Variants in AGBL4 observed in about 807,000 individuals in gnomAD.
AGBL4 encodes cytosolic carboxypeptidase 6.
Under a neutral mutation model 66.4 loss-of-function variants are expected in AGBL4, and 58 were observed. That is an observed-to-expected ratio of 0.87 (90% CI 0.71 to 1.09). The LOEUF (loss-of-function observed/expected upper bound fraction) is 1.09, where lower values mean the gene tolerates loss of function less well. AGBL4 is among the 50% of genes least tolerant of loss of function. The pLI is 0.00. For synonymous variants in AGBL4, 234 were observed against 222.9 expected, an observed-to-expected ratio of 1.05 and a Z score of -0.44; for missense variants, 579 against 631.0, an observed-to-expected ratio of 0.92 and a Z score of 0.88.
At chr1:48,950,954 C>T (rs1055815266) in intron 5 of AGBL4, among the ~76,000 whole-genome samples, 1 of 152,092 alleles carries the variant, frequency 6.6e-6, no homozygotes, top group Admixed American at 6.6e-5. Flanking sequence ...TGTCCAACAG[C>T]CTTTTCTCAG....
Position 48,944,069 on chromosome 1 carries a change from C to T in AGBL4, c.595-76839G>A, listed in dbSNP as rs548429696. Among the ~76,000 whole-genome samples the T allele has an allele frequency of 4.5e-4, 68 of 152,156 alleles. 1 individual carries two copies. The highest frequency in any genetic ancestry group is 1.3e-3 in the African/African-American group (52 of 41,502). ...TGCCAGGCCCTGTGATAGTCACTGA[C>T]GAGACAAAAGTGAATAAGGCACTGG... On this transcript the variant is annotated intron_variant, in intron 5 of 13. Coordinates refer to ENST00000371839, the MANE Select transcript of AGBL4 (RefSeq NM_032785.4).
chr1:49,738,681 C>T (rs938547625), intron 2 of AGBL4, among the ~76,000 whole-genome samples: 9 of 152,178 alleles, frequency 5.9e-5, no homozygotes, highest in Non-Finnish European at 8.8e-5. Flanking sequence ...ACACCTCACA[C>T]GGCCGGGTAC....
At chr1:49,842,243 C>A in intron 2 of AGBL4, 1 of 445,278 alleles carries the variant, frequency 2.2e-6, no homozygotes, top group Non-Finnish European at 4.4e-6. Flanking sequence ...CCAGAGGGCC[C>A]TGTACTATGA....
At chr1:49,285,097 C>G (rs981458165) in intron 3 of AGBL4, among the ~76,000 whole-genome samples, 2 of 152,178 alleles carry the variant, frequency 1.3e-5, no homozygotes, top group African/African-American at 4.8e-5. Flanking sequence ...ACACCTATTC[C>G]AAAATTGACC....
chr1:49,511,008 C>T (rs1389260767), intron 3 of AGBL4, among the ~76,000 whole-genome samples: 1 of 151,814 alleles, frequency 6.6e-6, no homozygotes, highest in Non-Finnish European at 1.5e-5. Context: ...AGTTTGAAGT[C>T]AGGTAGTGTG....
chr1:48,879,688 T>C (rs1308306606), intron 5 of AGBL4, among the ~76,000 whole-genome samples: 1 of 152,178 alleles, frequency 6.6e-6, no homozygotes, highest in Non-Finnish European at 1.5e-5. Flanking sequence ...TAACTTATCT[T>C]ATCCTCACAA....
intron 3 of AGBL4, among the ~76,000 whole-genome samples, chr1:49,520,809 C>CTTT (rs780615627): frequency 7.2e-6 from 1 of 139,164 alleles, no homozygotes; most frequent in African/African-American, 2.6e-5. Flanking sequence ...AGATCACTCA[C>CTTT]TTTTTTTTTT....
intron 11 of AGBL4, among the ~76,000 whole-genome samples, chr1:48,583,323 A>G (rs1644768282): frequency 6.6e-6 from 1 of 152,178 alleles, no homozygotes; most frequent in African/African-American, 2.4e-5. Flanking sequence ...CACAGTGCAC[A>G]CTCACAAAAG....
rs968091526 is a variant in AGBL4 at position 48,975,024 on chromosome 1, TAAG to T, written c.594+70557_594+70559del. 1.2e-4 allele frequency among the ~76,000 whole-genome samples: 19 copies of T among 152,158 alleles called. No homozygotes were observed. In the South Asian group the frequency reaches 1.7e-3, roughly 13 times the overall value. On this transcript the variant is annotated intron_variant, in intron 5 of 13. Coordinates refer to ENST00000371839, the MANE Select transcript of AGBL4 (RefSeq NM_032785.4). ...CACTATGTTGACAGCTACAATATTA[TAAG>T]GAGGAAGTTGCAAGTGCCATAAATG...
At chr1:49,140,142 T>C (rs1646090319) in intron 4 of AGBL4, among the ~76,000 whole-genome samples, 1 of 152,216 alleles carries the variant, frequency 6.6e-6, no homozygotes, top group Non-Finnish European at 1.5e-5. Context: ...TCTAATACTT[T>C]TTACAATATA....
At chr1:48,610,781 C>T (rs1274055620) in intron 9 of AGBL4, among the ~76,000 whole-genome samples, 5 of 152,174 alleles carry the variant, frequency 3.3e-5, no homozygotes, top group African/African-American at 1.2e-4. Context: ...TCCTCCTGCA[C>T]TCTCCCTCTT....
chr1:49,059,974 C>T (rs981630324), intron 4 of AGBL4, among the ~76,000 whole-genome samples: 2 of 152,108 alleles, frequency 1.3e-5, no homozygotes, highest in Non-Finnish European at 2.9e-5. Context: ...TCTCAGATGA[C>T]ACTTTGTTCC....
intron 3 of AGBL4, among the ~76,000 whole-genome samples, chr1:49,348,127 A>G (rs1419153701): frequency 2.0e-5 from 3 of 151,988 alleles, no homozygotes; most frequent in African/African-American, 7.2e-5. Flanking sequence ...TACTTATAAG[A>G]GGAAGACAAA....
chr1:50,019,302 TCTCTCA>T (rs1174594960), intron 1 of AGBL4, among the ~76,000 whole-genome samples: 25 of 70,824 alleles, frequency 3.5e-4, no homozygotes, highest in African/African-American at 9.2e-4. Context: ...TCTCTCTCTC[TCTCTCA>T]CACACACACA....
At chr1:48,888,336 A>G (rs932100987) in intron 5 of AGBL4, among the ~76,000 whole-genome samples, 2 of 152,206 alleles carry the variant, frequency 1.3e-5, no homozygotes, top group Non-Finnish European at 2.9e-5. Flanking sequence ...CAGAATCTGC[A>G]CATCCAGCTC....
intron 4 of AGBL4, among the ~76,000 whole-genome samples, chr1:49,076,331 C>T (rs1644709209): frequency 6.6e-6 from 1 of 152,120 alleles, no homozygotes; most frequent in Non-Finnish European, 1.5e-5. Flanking sequence ...TTCAAGATTA[C>T]TTGTAATACC....
chr1:49,542,546 G>A (rs537162545), intron 3 of AGBL4, among the ~76,000 whole-genome samples: 37 of 151,990 alleles, frequency 2.4e-4, no homozygotes, highest in Non-Finnish European at 4.6e-4. Context: ...CACCAATTCC[G>A]GACACATTTG....
At chr1:49,960,033 G>A (rs753296160) in intron 1 of AGBL4, among the ~76,000 whole-genome samples, 3 of 151,810 alleles carry the variant, frequency 2.0e-5, no homozygotes, top group East Asian at 1.9e-4. Context: ...GGGTGGGAGC[G>A]GGGAGGGGAT....
At chr1:49,346,175 G>C (rs1645630271) in intron 3 of AGBL4, among the ~76,000 whole-genome samples, 1 of 152,160 alleles carries the variant, frequency 6.6e-6, no homozygotes, top group Non-Finnish European at 1.5e-5. Context: ...TGAGAGACTA[G>C]AGAGAGGAAA....
Sources: allele counts gnomAD v4.1 joint callset (sites outside exome capture counted in the v4.1 genomes callset), GRCh38; gene constraint gnomAD v4.1.1; transcripts MANE v1.5; gene names NCBI Gene and HGNC (gene_info 2026-07-23, HGNC 2026-07-21).